PTPRQ: variants seen among roughly 807,000 people sequenced by gnomAD.
PTPRQ encodes phosphatidylinositol phosphatase PTPRQ.
A neutral mutation model predicts 246.0 loss-of-function variants in PTPRQ; 199 were observed. The ratio of observed to expected loss-of-function variants is 0.81; its 90% CI spans 0.72 to 0.91. The LOEUF (loss-of-function observed/expected upper bound fraction) is 0.91, where lower values mean the gene tolerates loss of function less well. PTPRQ is among the 40% of genes least tolerant of loss of function. PTPRQ has a pLI of 0.00. For synonymous variants in PTPRQ, 869 were observed against 853.2 expected (o/e 1.02, Z -0.32); for missense variants, 2,624 against 2,528.4 (o/e 1.04, Z -0.81).
chr12:80,496,680 C>A, intron 14 of PTPRQ, 149 bp downstream of exon 14: 1 of 1,031,746 alleles, frequency 9.7e-7, no homozygotes, highest in Non-Finnish European at 1.3e-6. Flanking sequence ...CTTTTTCAGG[C>A]AAAAGTGCAG....
At chr12:80,657,378 A>G (rs2121247136) in intron 38 of PTPRQ, among the ~76,000 whole-genome samples, 1 of 151,998 alleles carries the variant, frequency 6.6e-6, no homozygotes, top group South Asian at 2.1e-4. Context: ...AGAATTTTTC[A>G]AACACTTTGG....
intron 25 of PTPRQ, among the ~76,000 whole-genome samples, chr12:80,587,822 C>G (rs1426089871): frequency 6.6e-6 from 1 of 152,056 alleles, no homozygotes; most frequent in Non-Finnish European, 1.5e-5. Context: ...TACAGTTTTC[C>G]TTTGTAACAG....
chr12:80,501,478 A>G (rs1170747779), intron 14 of PTPRQ, among the ~76,000 whole-genome samples: 1 of 151,922 alleles, frequency 6.6e-6, no homozygotes, highest in African/African-American at 2.4e-5. Flanking sequence ...TCCAAGTGCC[A>G]TTATGAAGGC....
rs559860670 is a variant in PTPRQ, at chr12:80,588,738, C to T, written c.4609+286C>T. ...GTGGGAAGCTACTCTGATGCGCTAC[C>T]ATTAAACCATACTGATTATTATCTA... is the stretch of plus-strand genomic sequence containing the variant. On this transcript the variant is annotated intron_variant, in intron 26 of 44. Transcript: ENST00000644991. Among the ~76,000 whole-genome samples the T allele has an allele frequency of 6.6e-5, 10 of 152,294 alleles. No homozygotes were observed. The South Asian group carries it at 2.1e-3, about 32-fold the overall frequency.
Position 80,458,955 on chromosome 12 carries a change from A to G in PTPRQ, c.461-329A>G, listed in dbSNP as rs147929319. Among the ~76,000 whole-genome samples, 419 of 152,234 alleles carry G rather than the reference A, an allele frequency of 2.8e-3. 2 individuals carry two copies. Among genetic ancestry groups the G allele is most frequent in the African/African-American group, 9.9e-3 (410 of 41,570 alleles). On this transcript the variant is annotated intron_variant, in intron 4 of 44. Transcript: ENST00000644991. ...TTGCTATGTTTTTCATATCTAATGAAACTACATATTCCAAAATAGTTAAGG... is the reference window on the plus strand; with the variant it reads ...TTGCTATGTTTTTCATATCTAATGAGACTACATATTCCAAAATAGTTAAGG...
Position 80,596,468 on chromosome 12 carries a change from G to A in PTPRQ, c.4609+8016G>A, listed in dbSNP as rs374297258. On this transcript the variant is annotated intron_variant, in intron 26 of 44. Transcript: ENST00000644991. ...TTTTAGAAAGTCTGATTTTCATAAA[G>A]GAAAAAGGGGAGGAAATTTTCTCCC... 4.6e-5 allele frequency among the ~76,000 whole-genome samples: 7 copies of A among 151,572 alleles called. No homozygotes were observed. In the East Asian group the frequency reaches 7.8e-4, roughly 17 times the overall value.
At chr12:80,640,648 G>A (rs950213313) in intron 35 of PTPRQ, among the ~76,000 whole-genome samples, 2 of 152,092 alleles carry the variant, frequency 1.3e-5, no homozygotes, top group African/African-American at 4.8e-5. Flanking sequence ...GCAGAACTCT[G>A]CTGTGATTAT....
chr12:80,515,894 T>C (rs183193338), intron 17 of PTPRQ, among the ~76,000 whole-genome samples: 7 of 152,256 alleles, frequency 4.6e-5, no homozygotes, highest in Non-Finnish European at 1.0e-4. Context: ...ACTGTATGAG[T>C]CACATTTGAT....
At chr12:80,627,382 A>ATAAT (rs1263119476) in intron 33 of PTPRQ, among the ~76,000 whole-genome samples, 1 of 147,750 alleles carries the variant, frequency 6.8e-6, no homozygotes, top group African/African-American at 2.5e-5. Context: ...AATAATAATA[A>ATAAT]AGAAGGAGGA....
rs146886359 is a variant in PTPRQ, at chr12:80,637,045, A to C, written c.5915+1972A>C. ...GAGGCTGTGGAGGGTGAATAACCTGAGGTCAGGAGTTTGAAACCAGCCTGG... is the reference window on the plus strand; with the variant it reads ...GAGGCTGTGGAGGGTGAATAACCTGCGGTCAGGAGTTTGAAACCAGCCTGG... On this transcript the variant is annotated intron_variant, in intron 35 of 44. Transcript: ENST00000644991. Among the ~76,000 whole-genome samples, 234 of 152,254 alleles carry C rather than the reference A, an allele frequency of 1.5e-3. 1 individual carries two copies. The highest frequency in any genetic ancestry group is 5.2e-3 in the African/African-American group (217 of 41,552).
intron 4 of PTPRQ, among the ~76,000 whole-genome samples, chr12:80,458,124 G>A (rs1893036302): frequency 6.6e-6 from 1 of 152,038 alleles, no homozygotes; most frequent in African/African-American, 2.4e-5. Flanking sequence ...TGGGTAACAT[G>A]CAGTCATTAC....
Position 80,549,133 on chromosome 12 carries a change from A to G in PTPRQ, c.4016-332A>G, listed in dbSNP as rs191745941. Among the ~76,000 whole-genome samples the G allele has an allele frequency of 4.2e-3, 635 of 152,160 alleles. 7 individuals carry two copies. The highest frequency in any genetic ancestry group is 0.015 in the African/African-American group (612 of 41,546). On this transcript the variant is annotated intron_variant, in intron 24 of 44. Transcript: ENST00000644991. ...GTATTGCTAAGATTTTTCCTTTCCA[A>G]TTAAGAGAGCAGTTATCAAACACTG...
chr12:80,500,621 C>T (rs1038455979), intron 14 of PTPRQ, among the ~76,000 whole-genome samples: 1 of 151,862 alleles, frequency 6.6e-6, no homozygotes, highest in African/African-American at 2.4e-5. Context: ...GTTTTTAAAC[C>T]CAATCTTTTA....
intron 9 of PTPRQ, among the ~76,000 whole-genome samples, chr12:80,489,050 A>G (rs1042126827): frequency 9.2e-5 from 14 of 152,036 alleles, no homozygotes; most frequent in Admixed American, 5.3e-4. Flanking sequence ...CTCCTATCCT[A>G]TAAGCTTTGA....
At chr12:80,533,930 T>G (rs907163054) in intron 17 of PTPRQ, 85 bp from the exon 18 acceptor site, 1 of 988,928 alleles carries the variant, frequency 1.0e-6, no homozygotes, top group East Asian at 3.3e-5. Flanking sequence ...TATATTAATG[T>G]TGTTTACTTT....
At chr12:80,598,815 A>T (rs887774595) in intron 26 of PTPRQ, among the ~76,000 whole-genome samples, 4 of 152,018 alleles carry the variant, frequency 2.6e-5, no homozygotes, top group Admixed American at 1.3e-4. Context: ...TTGTAAGTTG[A>T]TGTTAAACCA....
intron 30 of PTPRQ, among the ~76,000 whole-genome samples, chr12:80,617,463 A>G (rs1262174642): frequency 2.0e-5 from 3 of 151,552 alleles, no homozygotes; most frequent in Admixed American, 6.6e-5. Flanking sequence ...AACATCAATT[A>G]TTTCACAAAA....
At chr12:80,670,245 T>A (rs527789238) in intron 41 of PTPRQ, 99 bp from the exon 42 acceptor site, 36 of 1,486,682 alleles carry the variant, frequency 2.4e-5, no homozygotes, top group Admixed American at 1.5e-4. Context: ...TAAATAGTCA[T>A]TTTTAAAAGA....
chr12:80,523,751 C>G (rs1490068269), intron 17 of PTPRQ, among the ~76,000 whole-genome samples: 1 of 152,134 alleles, frequency 6.6e-6, no homozygotes, highest in Non-Finnish European at 1.5e-5. Flanking sequence ...AATTTCTGTT[C>G]TTTTACATTT....
Sources: gnomAD v4.1 joint callset for allele counts (sites outside exome capture counted in the v4.1 genomes callset) on GRCh38, gnomAD v4.1.1 for gene constraint, MANE v1.5 for transcripts, NCBI Gene and HGNC (gene_info 2026-07-23, HGNC 2026-07-21) for gene names.